Variants in PHACTR4 observed in about 807,000 individuals in gnomAD.
PHACTR4 encodes the protein protein phosphatase 1, regulatory subunit 124.
PHACTR4 carries 51 observed loss-of-function variants against 72.7 expected under a neutral mutation model. The ratio of observed to expected loss-of-function variants is 0.70; its 90% confidence interval spans 0.56 to 0.89. The LOEUF is 0.89. Among genes scored for constraint, PHACTR4 ranks in the 40% least tolerant of loss-of-function variants. The pLI is 0.00. For synonymous variants in PHACTR4, 255 were observed against 302.5 expected, an observed-to-expected ratio of 0.84 and a Z score of 1.63; for missense variants, 731 against 861.8, an observed-to-expected ratio of 0.85 and a Z score of 1.90.
intron 2 of PHACTR4, among the ~76,000 whole-genome samples, chr1:28,451,708 A>G (rs955530170): frequency 2.6e-5 from 4 of 152,122 alleles, no homozygotes; most frequent in African/African-American, 9.7e-5. Flanking sequence ...CAGTGGCACA[A>G]TCACAGCTCA....
chr1:28,407,322 G>T, intron 1 of PHACTR4, 88 bp from the exon 2 acceptor site: 1 of 571,762 alleles, frequency 1.7e-6, no homozygotes. Flanking sequence ...TATAGTCAAT[G>T]TTACTGAATT....
At chr1:28,430,801 A>G (rs1457611989) in intron 2 of PHACTR4, among the ~76,000 whole-genome samples, 3 of 152,250 alleles carry the variant, frequency 2.0e-5, no homozygotes, top group African/African-American at 7.2e-5. Flanking sequence ...TTCCTAGGTA[A>G]TCCAATTTGT....
chr1:28,459,375 T>G, intron 3 of PHACTR4, 117 bp downstream of exon 3: 1 of 850,890 alleles, frequency 1.2e-6, no homozygotes. Context: ...GGGTATTTAA[T>G]GTTTTATTCT....
intron 2 of PHACTR4, among the ~76,000 whole-genome samples, chr1:28,408,584 C>A (rs1051763194): frequency 2.0e-5 from 3 of 151,312 alleles, no homozygotes; most frequent in African/African-American, 7.3e-5. Context: ...AGAAAGATAA[C>A]GTGGAAGTAA....
At chr1:28,467,385 G>A (rs1352918812) in intron 6 of PHACTR4, 1 of 64,344 alleles carries the variant, frequency 1.6e-5, no homozygotes, top group Non-Finnish European at 3.1e-5. Context: ...ATATTTGTGT[G>A]TGTGTGTGTG....
At chr1:28,431,038 G>C (rs183004975) in intron 2 of PHACTR4, among the ~76,000 whole-genome samples, 4 of 151,294 alleles carry the variant, frequency 2.6e-5, no homozygotes, top group Admixed American at 6.6e-5. Flanking sequence ...AATTAGCCAG[G>C]CGTGGTGGCA....
At chr1:28,371,528 C>G (rs369249524) in intron 1 of PHACTR4, among the ~76,000 whole-genome samples, 1 of 152,112 alleles carries the variant, frequency 6.6e-6, no homozygotes, top group Non-Finnish European at 1.5e-5. Flanking sequence ...CTCCTAACCT[C>G]AGGTGATCCA....
chr1:28,480,731 C>A, intron 9 of PHACTR4, 127 bp downstream of exon 9: 1 of 1,297,514 alleles, frequency 7.7e-7, no homozygotes, highest in Non-Finnish European at 1.1e-6. Flanking sequence ...TGCTCTGTCA[C>A]CCAGGCTGGA....
chr1:28,433,540 C>T (rs1173173665), intron 2 of PHACTR4, among the ~76,000 whole-genome samples: 2 of 148,806 alleles, frequency 1.3e-5, no homozygotes, highest in African/African-American at 5.0e-5. Flanking sequence ...TCACTGCAAC[C>T]TCTGCCTCCC....
chr1:28,430,072 G>C (rs986036663), intron 2 of PHACTR4, among the ~76,000 whole-genome samples: 1 of 151,706 alleles, frequency 6.6e-6, no homozygotes, highest in African/African-American at 2.4e-5. Context: ...ACCCAGGCTA[G>C]AGTGCAGTGG....
At chr1:28,447,878 A>G (rs1657595553) in intron 2 of PHACTR4, among the ~76,000 whole-genome samples, 1 of 152,172 alleles carries the variant, frequency 6.6e-6, no homozygotes, top group Non-Finnish European at 1.5e-5. Flanking sequence ...GATCTATGCA[A>G]TATTTCCACA....
chr1:28,458,307 A>G (rs544295798), intron 2 of PHACTR4, among the ~76,000 whole-genome samples: 1 of 151,812 alleles, frequency 6.6e-6, no homozygotes, highest in Non-Finnish European at 1.5e-5. Context: ...ATGCCCAGCT[A>G]ATTTTTGTTT....
At chr1:28,476,334 G>C (rs1413004608) in intron 8 of PHACTR4, 43 bp downstream of exon 8, 8 of 1,522,880 alleles carry the variant, frequency 5.3e-6, no homozygotes, top group Non-Finnish European at 7.0e-6. Flanking sequence ...TTCTTTTCCA[G>C]ATAAAACTAT....
intron 1 of PHACTR4, among the ~76,000 whole-genome samples, chr1:28,396,122 C>T (rs1356125033): frequency 6.6e-6 from 1 of 151,836 alleles, no homozygotes; most frequent in Non-Finnish European, 1.5e-5. Context: ...CTAAATTTCT[C>T]TGCTAAGTGT....
intron 1 of PHACTR4, among the ~76,000 whole-genome samples, chr1:28,377,217 C>T (rs995381888): frequency 1.3e-5 from 2 of 150,312 alleles, no homozygotes; most frequent in Non-Finnish European, 3.0e-5. Flanking sequence ...GGATTACAGG[C>T]GTGAGCCTCC....
intron 2 of PHACTR4, among the ~76,000 whole-genome samples, chr1:28,415,902 AT>A (rs1655076813): frequency 6.6e-6 from 1 of 152,088 alleles, no homozygotes; most frequent in Admixed American, 6.5e-5. Flanking sequence ...AAAGTCAATT[AT>A]TTTTTTCTTA....
chr1:28,410,187 C>G, intron 2 of PHACTR4, among the ~76,000 whole-genome samples: 1 of 143,024 alleles, frequency 7.0e-6, no homozygotes, highest in East Asian at 2.0e-4. Flanking sequence ...AGGATGATCT[C>G]GAGCTCCTGA....
At chr1:28,431,193 C>A (rs1467999458) in intron 2 of PHACTR4, among the ~76,000 whole-genome samples, 24 of 117,966 alleles carry the variant, frequency 2.0e-4, no homozygotes, top group African/African-American at 6.8e-4. Flanking sequence ...AAAAAAAAAC[C>A]AAAATATATA....
At chr1:28,388,857 A>T (rs1438511723) in intron 1 of PHACTR4, among the ~76,000 whole-genome samples, 1 of 152,110 alleles carries the variant, frequency 6.6e-6, no homozygotes, top group Non-Finnish European at 1.5e-5. Context: ...CTCAAAAAAA[A>T]AATCAACTCA....
Sources: gnomAD v4.1 joint callset for allele counts (sites outside exome capture counted in the v4.1 genomes callset) on GRCh38, gnomAD v4.1.1 for gene constraint, MANE v1.5 for transcripts, NCBI Gene and HGNC (gene_info 2026-07-23, HGNC 2026-07-21) for gene names.